PCDHA1: variants seen among roughly 807,000 people sequenced by gnomAD.
The protein encoded by PCDHA1 is protocadherin alpha-1.
In PCDHA1, 42 loss-of-function variants were observed where a neutral mutation model predicts 61.3. The ratio of observed to expected loss-of-function variants is 0.69; its 90% CI spans 0.54 to 0.89. PCDHA1 has a LOEUF of 0.89. Ranked by LOEUF, PCDHA1 falls within the 40% of genes least tolerant of loss-of-function variation. PCDHA1 has a pLI of 0.00. For missense variants in PCDHA1, 1,256 were observed against 1,235.3 expected (o/e 1.02, Z -0.25); for synonymous variants, 610 against 553.8 (o/e 1.10, Z -1.43).
intron 1 of PCDHA1, among the ~76,000 whole-genome samples, chr5:140,839,879 G>A (rs1448032566): frequency 6.6e-6 from 1 of 151,996 alleles, no homozygotes; most frequent in East Asian, 1.9e-4. Flanking sequence ...AAGATGAATA[G>A]AATTTTGACA....
chr5:140,894,253 T>C (rs1554186000), intron 1 of PCDHA1, among the ~76,000 whole-genome samples: 1 of 152,112 alleles, frequency 6.6e-6, no homozygotes, highest in Non-Finnish European at 1.5e-5. Context: ...TTCTTTTCTT[T>C]ACAAGTGGTA....
chr5:140,846,015 G>C (rs567874372), intron 1 of PCDHA1, among the ~76,000 whole-genome samples: 1 of 149,618 alleles, frequency 6.7e-6, no homozygotes, highest in South Asian at 2.1e-4. Flanking sequence ...AAATCTAAAA[G>C]TTATTACGAG....
chr5:140,937,089 G>A (rs2091320544), intron 1 of PCDHA1, among the ~76,000 whole-genome samples: 1 of 149,070 alleles, frequency 6.7e-6, no homozygotes, highest in African/African-American at 2.5e-5. Context: ...CCAGGCTGGA[G>A]TGCAGTGGCG....
intron 1 of PCDHA1, chr5:140,850,611 G>C (rs1353719119): frequency 6.3e-7 from 1 of 1,598,588 alleles, no homozygotes; most frequent in Non-Finnish European, 8.6e-7. Flanking sequence ...CGCCATCTGC[G>C]CGGTGTCTAG....
At chr5:140,867,461 T>C (rs1197194209) in intron 1 of PCDHA1, 1 of 152,126 alleles carries the variant, frequency 6.6e-6, no homozygotes, top group African/African-American at 2.4e-5. Context: ...TCTAGTGTTA[T>C]GACAACATTG....
At chr5:140,836,753 A>C (rs2150269223) in intron 1 of PCDHA1, 1 of 1,578,360 alleles carries the variant, frequency 6.3e-7, no homozygotes, top group South Asian at 1.2e-5. Context: ...GTCATAAATA[A>C]TCTTGTTTCC....
In PCDHA1 at chr5:140,829,696, G is replaced by T. The variant is rs2150172625; in HGVS notation, c.2394+41012G>T. The T allele has an allele frequency of 1.4e-5, 22 of 1,613,156 alleles. No individual in the cohort carries two copies. The South Asian group carries it at 2.1e-4, about 15-fold the overall frequency. On this transcript the variant is annotated intron_variant, in intron 1 of 3. Transcript: ENST00000504120. ...AGCTAGAGCTGCTGCAGTTTCAGGTGAGCGCGCGCGACGCGGGCGTGCCGC... is the reference window on the plus strand; with the variant it reads ...AGCTAGAGCTGCTGCAGTTTCAGGTTAGCGCGCGCGACGCGGGCGTGCCGC...
intron 1 of PCDHA1, among the ~76,000 whole-genome samples, chr5:140,971,278 ATATTAATATG>A (rs1408088373): frequency 6.6e-6 from 1 of 152,208 alleles, no homozygotes; most frequent in African/African-American, 2.4e-5. Context: ...ACTGACCTGT[ATATTAATATG>A]TACTTTGGTA....
Position 140,857,604 on chromosome 5 carries a change from T to C in PCDHA1, c.2394+68920T>C, listed in dbSNP as rs1294714828. On this transcript the variant is annotated intron_variant, in intron 1 of 3. Transcript: ENST00000504120. ...GCGGAGAGCGGCAAGGTGTACGCGC[T>C]GCAGCCGCTGGACCACGAGGAGCTG... 5.0e-6 allele frequency: 8 copies of C among 1,596,244 alleles called. 1 individual carries two copies. Among genetic ancestry groups the C allele is most frequent in the Non-Finnish European group, 6.9e-6 (8 of 1,167,658 alleles).
At chr5:140,850,480 C>G in intron 1 of PCDHA1, 1 of 1,597,900 alleles carries the variant, frequency 6.3e-7, no homozygotes, top group Non-Finnish European at 8.6e-7. Flanking sequence ...CTGACGGCCA[C>G]GGCCACTGTG....
intron 1 of PCDHA1, among the ~76,000 whole-genome samples, chr5:140,955,093 G>A (rs1554221774): frequency 6.6e-6 from 1 of 152,118 alleles, no homozygotes; most frequent in African/African-American, 2.4e-5. Flanking sequence ...TAGGTGTGTG[G>A]TGTTATTTCT....
intron 1 of PCDHA1, among the ~76,000 whole-genome samples, chr5:140,909,044 T>C (rs538559353): frequency 6.6e-6 from 1 of 152,336 alleles, no homozygotes; most frequent in South Asian, 2.1e-4. Context: ...TTCCATACTC[T>C]GGCATGCAAA....
At chr5:140,809,718 T>A in intron 1 of PCDHA1, 2 of 935,756 alleles carry the variant, frequency 2.1e-6, no homozygotes, top group Non-Finnish European at 3.1e-6. Flanking sequence ...CTTTTGGAAT[T>A]ATAGGACATC....
rs782410675 is a variant in PCDHA1 at position 140,884,460 on chromosome 5, C to G, written c.2395-94489C>G. On this transcript the variant is annotated intron_variant, in intron 1 of 3. Coordinates refer to ENST00000504120, the MANE Select transcript of PCDHA1 (RefSeq NM_018900.4). ...TGCTCGGCACCGCCCACCGAGGGCGCGTGCGCGCCGGGCAAGCCCACTCTA... is the reference window on the plus strand; with the variant it reads ...TGCTCGGCACCGCCCACCGAGGGCGGGTGCGCGCCGGGCAAGCCCACTCTA... The G allele has an allele frequency of 2.5e-6, 4 of 1,613,614 alleles. No individual in the cohort carries two copies. Among genetic ancestry groups the G allele is most frequent in the Non-Finnish European group, 2.5e-6 (3 of 1,179,818 alleles).
chr5:140,862,787 A>G, intron 1 of PCDHA1: 1 of 578,112 alleles, frequency 1.7e-6, no homozygotes. Context: ...CCACTGGACT[A>G]CGAGGAGCTG....
chr5:140,791,395 T>C (rs1761646358), intron 1 of PCDHA1, among the ~76,000 whole-genome samples: 2 of 152,232 alleles, frequency 1.3e-5, no homozygotes, highest in Admixed American at 6.5e-5. Context: ...CAATCCAGGA[T>C]GCTGAGCCAA....
At chr5:141,006,415 G>C (rs185861703) in intron 3 of PCDHA1, among the ~76,000 whole-genome samples, 2 of 152,146 alleles carry the variant, frequency 1.3e-5, no homozygotes, top group African/African-American at 2.4e-5. Flanking sequence ...CGGTTTCACT[G>C]TGTTAGCCAG....
At chr5:140,832,971 T>C (rs115888961) in intron 1 of PCDHA1, among the ~76,000 whole-genome samples, 2,340 of 152,296 alleles carry the variant, frequency 0.015, 65 homozygotes, top group African/African-American at 0.053. Flanking sequence ...ATTCCAAATG[T>C]ACCTAGAAAT....
At position 140,967,010 on chromosome 5, in the gene PCDHA1, C is replaced by T. The variant is rs781936791; in HGVS notation, c.2395-11939C>T. 7 of 1,606,340 alleles carry T rather than the reference C, an allele frequency of 4.4e-6. No individual in the cohort carries two copies. In the South Asian group the frequency reaches 6.6e-5, roughly 15 times the overall value. On this transcript the variant is annotated intron_variant, in intron 1 of 3. Coordinates refer to ENST00000504120, the MANE Select transcript of PCDHA1 (RefSeq NM_018900.4). ...GCCGGGTTGCTTGCGCATCAACCAT[C>T]TGGGTGCGCCCAGTCCGCGCTACCT...
Sources: allele counts gnomAD v4.1 joint callset (sites outside exome capture counted in the v4.1 genomes callset), GRCh38; gene constraint gnomAD v4.1.1; transcripts MANE v1.5; gene names NCBI Gene and HGNC (gene_info 2026-07-23, HGNC 2026-07-21).